The following DMD variants were observed in gnomAD, a reference collection of about 807,000 sequenced individuals.
DMD encodes dystrophin, also known as mutant dystrophin.
DMD carries 63 observed loss-of-function variants against 330.1 expected under a neutral mutation model. The ratio of observed to expected loss-of-function variants is 0.19; its 90% CI spans 0.16 to 0.24. The LOEUF is 0.24. DMD is among the 10% of genes least tolerant of loss of function. The pLI, the probability that DMD is intolerant of heterozygous loss-of-function variation, is 1.00. For missense variants in DMD, 3,344 were observed against 2,684.1 expected (o/e 1.25, Z -5.43); for synonymous variants, 1,223 against 959.8 (o/e 1.27, Z -5.07).
chrX:32,765,196 T>C (rs2072825437), intron 7 of DMD, among the ~76,000 whole-genome samples: 1 of 111,000 alleles, frequency 9.0e-6, no homozygotes, highest in African/African-American at 3.3e-5. Context: ...CCCACTCAAA[T>C]CTCATGTTGA....
chrX:32,954,708 A>G (rs751822725), intron 2 of DMD, among the ~76,000 whole-genome samples: 2 of 110,164 alleles, frequency 1.8e-5, no homozygotes, highest in Non-Finnish European at 3.8e-5. Context: ...CCACCCTCCA[A>G]CAGGTCCCAA....
intron 7 of DMD, among the ~76,000 whole-genome samples, chrX:32,787,261 A>T (rs892159939): frequency 1.9e-5 from 2 of 107,227 alleles, no homozygotes; most frequent in Non-Finnish European, 3.8e-5. Flanking sequence ...AGAGAGAGAG[A>T]GAGAGAGAGA....
intron 43 of DMD, among the ~76,000 whole-genome samples, chrX:32,259,555 T>A (rs375101766): frequency 1.1e-5 from 1 of 89,144 alleles, no homozygotes; most frequent in Non-Finnish European, 2.4e-5. Flanking sequence ...GATATTATTA[T>A]ATTAAATTTA....
chrX:32,537,213 T>G (rs1204398414), intron 17 of DMD, among the ~76,000 whole-genome samples: 1 of 111,105 alleles, frequency 9.0e-6, no homozygotes, highest in Non-Finnish European at 1.9e-5. Flanking sequence ...TATTTTAGAT[T>G]CCAGTCAGAA....
intron 62 of DMD, among the ~76,000 whole-genome samples, chrX:31,295,983 C>CTT (rs150166970): frequency 0.08 from 7,438 of 92,824 alleles, 380 homozygotes; most frequent in Non-Finnish European, 0.12. Flanking sequence ...CAAAAAGTGA[C>CTT]TTTTTTTTTT....
chrX:32,602,572 C>T (rs1264644562), intron 12 of DMD, among the ~76,000 whole-genome samples: 1 of 111,350 alleles, frequency 9.0e-6, no homozygotes, highest in Non-Finnish European at 1.9e-5. Flanking sequence ...CCATTCTTAT[C>T]ATAAGCCTAT....
chrX:32,751,448 G>A (rs2070798495), intron 7 of DMD, among the ~76,000 whole-genome samples: 1 of 111,527 alleles, frequency 9.0e-6, no homozygotes, highest in African/African-American at 3.3e-5. Flanking sequence ...CTTGAGAGGG[G>A]TGATTTAGCG....
intron 1 of DMD, among the ~76,000 whole-genome samples, chrX:33,115,776 T>G (rs2095379098): frequency 9.1e-6 from 1 of 110,198 alleles, no homozygotes; most frequent in African/African-American, 3.3e-5. Flanking sequence ...CCCAAAGTGC[T>G]GGGATTACAG....
chrX:31,642,537 A>T (rs1188289276), intron 54 of DMD, among the ~76,000 whole-genome samples: 1 of 112,380 alleles, frequency 8.9e-6, no homozygotes, highest in East Asian at 2.8e-4. Flanking sequence ...CTAATTGACA[A>T]CATTGATGAT....
Position 32,005,417 on chromosome X carries a change from G to A in DMD, c.6439-36903C>T, listed in dbSNP as rs181226057. ...AATACTGTACTATAAAAAATTATACGTATTCCTCTCTGATCTTGATGAATT... is the reference window on the plus strand; with the variant it reads ...AATACTGTACTATAAAAAATTATACATATTCCTCTCTGATCTTGATGAATT... On this transcript the variant is annotated intron_variant, in intron 44 of 78. Transcript: ENST00000357033. Among the ~76,000 whole-genome samples, 10 of 111,165 alleles carry A rather than the reference G, an allele frequency of 9.0e-5. No homozygotes were observed. The East Asian group carries it at 1.4e-3, about 16-fold the overall frequency.
At chrX:31,691,077 C>G (rs981462629) in intron 52 of DMD, among the ~76,000 whole-genome samples, 2 of 109,803 alleles carry the variant, frequency 1.8e-5, no homozygotes, top group Non-Finnish European at 3.8e-5. Flanking sequence ...TGTAACAAAC[C>G]TGCAAGTTGT....
intron 16 of DMD, among the ~76,000 whole-genome samples, chrX:32,563,614 G>A (rs1043391240): frequency 7.2e-5 from 8 of 111,491 alleles, no homozygotes; most frequent in Non-Finnish European, 1.3e-4. Flanking sequence ...CACGTCAATT[G>A]CCTAGGTGGT....
In DMD at chrX:31,422,043, A is replaced by ATATTTT. The variant is rs1556630715; in HGVS notation, c.9084+22437_9084+22438insAAAATA. ...AACACACACACATATATATATATATATTTTTTTTTTTCTTTTTCTTTTTGA... is the reference window on the plus strand; with the variant it reads ...AACACACACACATATATATATATATATATTTTTTTTTTTTTTTCTTTTTCTTTTTGA... On this transcript the variant is annotated intron_variant, in intron 60 of 78. Coordinates refer to ENST00000357033, the MANE Select transcript of DMD (RefSeq NM_004006.3). 1.7e-4 allele frequency among the ~76,000 whole-genome samples: 5 copies of ATATTTT among 28,747 alleles called. No individual in the cohort carries two copies. The East Asian group carries it at 1.9e-3, about 11-fold the overall frequency. 25.0% of individuals were successfully genotyped at this position (28,747 alleles called of 115,157 possible). A position where few individuals can be genotyped will look rare whatever the true frequency, so the allele number is the denominator to read the frequency against.
intron 1 of DMD, among the ~76,000 whole-genome samples, chrX:33,134,518 A>T (rs1264355560): frequency 8.9e-6 from 1 of 111,836 alleles, no homozygotes; most frequent in African/African-American, 3.2e-5. Context: ...TTCCTAAAAC[A>T]TTCAACACCT....
chrX:31,319,793 C>A (rs967136046), intron 62 of DMD, among the ~76,000 whole-genome samples: 2 of 112,464 alleles, frequency 1.8e-5, no homozygotes, highest in African/African-American at 6.5e-5. Flanking sequence ...GTCCAGAATA[C>A]AGAAGAACAA....
chrX:32,486,466 A>T (rs1309652373), intron 20 of DMD, among the ~76,000 whole-genome samples: 1 of 111,067 alleles, frequency 9.0e-6, no homozygotes, highest in Non-Finnish European at 1.9e-5. Context: ...TTTCTTTTGG[A>T]CAATGACTTT....
rs1427055252 is a variant in DMD at position 31,694,566 on chromosome X, T to TA, written c.7661-14981dup. On this transcript the variant is annotated intron_variant, in intron 52 of 78. Coordinates refer to ENST00000357033, the MANE Select transcript of DMD (RefSeq NM_004006.3). ...ATAACAAGAAAACAAATAACCCTAA[T>TA]AAAAAAATGGGCAAATATATGAATA... 9.3e-5 allele frequency among the ~76,000 whole-genome samples: 8 copies of TA among 85,567 alleles called. No individual in the cohort carries two copies. In the South Asian group the frequency reaches 3.2e-3, roughly 34 times the overall value. The allele number at this position is 85,567 out of a possible 115,157, so 74.3% of individuals were successfully genotyped here.
At chrX:32,152,569 A>T (rs2096810038) in intron 44 of DMD, among the ~76,000 whole-genome samples, 1 of 111,615 alleles carries the variant, frequency 9.0e-6, no homozygotes, top group Admixed American at 9.6e-5. Context: ...TTTATACTCA[A>T]CTTCAAATAA....
intron 54 of DMD, among the ~76,000 whole-genome samples, chrX:31,629,724 C>A (rs1039159): frequency 0.38 from 42,075 of 110,111 alleles, 6,552 homozygotes; most frequent in African/African-American, 0.56. Flanking sequence ...AACAACTCCA[C>A]GAATCTCAAT....
Sources: gnomAD v4.1 joint callset for allele counts (sites outside exome capture counted in the v4.1 genomes callset) on GRCh38, gnomAD v4.1.1 for gene constraint, MANE v1.5 for transcripts, NCBI Gene and HGNC (gene_info 2026-07-23, HGNC 2026-07-21) for gene names.